The following LINGO2 variants were observed in gnomAD, a reference collection of about 807,000 sequenced individuals.
The protein encoded by LINGO2 is leucine rich repeat and Ig domain containing 2.
Under a neutral mutation model 30.6 loss-of-function variants are expected in LINGO2, and 14 were observed. The observed-to-expected ratio is 0.46, with a 90% CI of 0.30 to 0.72. LINGO2 has a LOEUF of 0.72. LINGO2 is among the 30% of genes least tolerant of loss of function. The pLI is 0.07. For synonymous variants in LINGO2, 317 were observed against 288.5 expected (o/e 1.10, Z -1.00); for missense variants, 729 against 751.7 (o/e 0.97, Z 0.35).
chr9:28,048,960 A>G (rs1587767009), intron 4 of LINGO2, among the ~76,000 whole-genome samples: 6 of 151,070 alleles, frequency 4.0e-5, no homozygotes, highest in South Asian at 4.2e-4. Flanking sequence ...GTGAAATATA[A>G]AAGGCAAAAA....
At chr9:28,786,446 A>C in the LINGO2 span, among the ~76,000 whole-genome samples, 1 of 152,186 alleles carries the variant, frequency 6.6e-6, no homozygotes, top group Non-Finnish European at 1.5e-5. Flanking sequence ...CTAGCATATA[A>C]ATATGAGTTG....
intron 1 of LINGO2, among the ~76,000 whole-genome samples, chr9:28,595,998 CA>C (rs1442925982): frequency 6.6e-6 from 1 of 152,084 alleles, no homozygotes; most frequent in East Asian, 1.9e-4. Flanking sequence ...TGCACAAATG[CA>C]CACTGTGAAT....
chr9:28,830,984 G>A, the LINGO2 span, among the ~76,000 whole-genome samples: 1 of 152,228 alleles, frequency 6.6e-6, no homozygotes, highest in Non-Finnish European at 1.5e-5. Context: ...AGGGCTGTGG[G>A]CCTAGACTAC....
intron 1 of LINGO2, among the ~76,000 whole-genome samples, chr9:28,497,447 G>A (rs181882170): frequency 2.6e-5 from 4 of 152,082 alleles, no homozygotes; most frequent in African/African-American, 4.8e-5. Context: ...CCAGTTGATC[G>A]AATCGGCTAC....
the LINGO2 span, among the ~76,000 whole-genome samples, chr9:28,785,183 G>C: frequency 6.6e-6 from 1 of 152,134 alleles, no homozygotes; most frequent in African/African-American, 2.4e-5. Context: ...AAGTAGTTTT[G>C]TATTAATAAG....
chr9:29,150,645 A>G, the LINGO2 span, among the ~76,000 whole-genome samples: 1 of 152,164 alleles, frequency 6.6e-6, no homozygotes, highest in African/African-American at 2.4e-5. Flanking sequence ...TCAACACCAG[A>G]ACAGACCAAG....
the LINGO2 span, among the ~76,000 whole-genome samples, chr9:29,152,068 C>T: frequency 2.6e-5 from 4 of 152,062 alleles, no homozygotes; most frequent in Non-Finnish European, 5.9e-5. Flanking sequence ...AAAACATGCT[C>T]AACATTATTA....
At chr9:29,175,036 G>A in the LINGO2 span, among the ~76,000 whole-genome samples, 1 of 151,982 alleles carries the variant, frequency 6.6e-6, no homozygotes, top group Non-Finnish European at 1.5e-5. Context: ...CGATGTGAGG[G>A]GACAATGAGG....
chr9:28,239,595 T>A (rs1322330033), intron 4 of LINGO2, among the ~76,000 whole-genome samples: 2 of 152,072 alleles, frequency 1.3e-5, no homozygotes, highest in Non-Finnish European at 2.9e-5. Flanking sequence ...GCCTTCATAA[T>A]AAAAACCCTC....
intron 1 of LINGO2, among the ~76,000 whole-genome samples, chr9:28,552,799 G>T (rs1822374648): frequency 6.9e-6 from 1 of 145,800 alleles, no homozygotes. Context: ...TAGACATTTT[G>T]CTTTTCATTC....
chr9:28,679,832 TTACATATAGTTATCAAG>T, the LINGO2 span, among the ~76,000 whole-genome samples: 2 of 152,048 alleles, frequency 1.3e-5, no homozygotes, highest in Non-Finnish European at 2.9e-5. Flanking sequence ...TTGATAAAAA[TTACATATAGTTATCAAG>T]TACATGTTTC....
At chr9:28,772,757 A>G in the LINGO2 span, among the ~76,000 whole-genome samples, 1 of 152,202 alleles carries the variant, frequency 6.6e-6, no homozygotes, top group Non-Finnish European at 1.5e-5. Flanking sequence ...GAAGAAAAAA[A>G]GTTAACTTTA....
intron 3 of LINGO2, among the ~76,000 whole-genome samples, chr9:28,347,475 G>A (rs1400642969): frequency 6.6e-6 from 1 of 151,996 alleles, no homozygotes; most frequent in Admixed American, 6.6e-5. Context: ...AAAGATAAAA[G>A]AAGTTGTCAA....
At chr9:28,725,211 C>T in the LINGO2 span, among the ~76,000 whole-genome samples, 4 of 151,424 alleles carry the variant, frequency 2.6e-5, no homozygotes, top group African/African-American at 7.3e-5. Flanking sequence ...TATATGTATG[C>T]GTATTTTTCT....
At chr9:28,869,733 T>C in the LINGO2 span, among the ~76,000 whole-genome samples, 1 of 151,924 alleles carries the variant, frequency 6.6e-6, no homozygotes, top group South Asian at 2.1e-4. Context: ...AGGTGATCAA[T>C]AGGTCAAAAA....
chr9:28,326,199 A>G (rs968622736), intron 3 of LINGO2, among the ~76,000 whole-genome samples: 17 of 151,988 alleles, frequency 1.1e-4, no homozygotes, highest in Non-Finnish European at 1.9e-4. Context: ...CAGAGATGGG[A>G]TTTCACCATG....
chr9:28,867,927 C>A, the LINGO2 span, among the ~76,000 whole-genome samples: 1 of 152,154 alleles, frequency 6.6e-6, no homozygotes, highest in African/African-American at 2.4e-5. Context: ...TACAATGAAA[C>A]AATTCTTTTA....
chr9:28,617,488 G>A (rs1436249347), intron 1 of LINGO2, among the ~76,000 whole-genome samples: 2 of 151,748 alleles, frequency 1.3e-5, no homozygotes. Flanking sequence ...GTAGAGACGG[G>A]GTTTCACCGT....
At chr9:28,805,370 T>A in the LINGO2 span, among the ~76,000 whole-genome samples, 1 of 152,156 alleles carries the variant, frequency 6.6e-6, no homozygotes, top group African/African-American at 2.4e-5. Context: ...ACAGATGCTA[T>A]CTCCTGTTGG....
Sources: allele counts gnomAD v4.1 joint callset (sites outside exome capture counted in the v4.1 genomes callset), GRCh38; gene constraint gnomAD v4.1.1; transcripts MANE v1.5; gene names NCBI Gene and HGNC (gene_info 2026-07-23, HGNC 2026-07-21).